NPNT: variants seen among roughly 807,000 people sequenced by gnomAD.
NPNT encodes preosteoblast EGF-like repeat protein with MAM domain.
NPNT carries 45 observed loss-of-function variants against 68.6 expected under a neutral mutation model. The ratio of observed to expected loss-of-function variants is 0.66; its 90% CI spans 0.52 to 0.84. NPNT has a LOEUF of 0.84. NPNT is among the 40% of genes least tolerant of loss of function. NPNT has a pLI of 0.00. For synonymous variants in NPNT, 233 were observed against 253.3 expected (o/e 0.92, Z 0.76); for missense variants, 672 against 714.8 (o/e 0.94, Z 0.68).
intron 2 of NPNT, among the ~76,000 whole-genome samples, chr4:105,913,950 C>T (rs953292074): frequency 1.3e-5 from 2 of 151,984 alleles, no homozygotes; most frequent in South Asian, 2.1e-4. Flanking sequence ...GTAATTTATC[C>T]GTATAATTAT....
chr4:105,934,767 T>A (rs568033639), intron 3 of NPNT, among the ~76,000 whole-genome samples: 23 of 152,192 alleles, frequency 1.5e-4, no homozygotes, highest in African/African-American at 5.3e-4. Context: ...CAGTCCAGAT[T>A]TTTTTTTGGA....
At chr4:105,925,558 A>C (rs1441931507) in intron 2 of NPNT, among the ~76,000 whole-genome samples, 1 of 152,180 alleles carries the variant, frequency 6.6e-6, no homozygotes, top group Admixed American at 6.5e-5. Context: ...GATAATTATC[A>C]GAGAGGAAAC....
chr4:105,948,389 C>G (rs1387566778), intron 8 of NPNT, among the ~76,000 whole-genome samples: 1 of 152,118 alleles, frequency 6.6e-6, no homozygotes, highest in Non-Finnish European at 1.5e-5. Flanking sequence ...TTATGAGGTA[C>G]ATCACTTTGG....
chr4:105,967,613 T>G (rs1197305599), intron 11 of NPNT, among the ~76,000 whole-genome samples, 169 bp downstream of exon 11: 2 of 152,154 alleles, frequency 1.3e-5, no homozygotes, highest in Non-Finnish European at 2.9e-5. Flanking sequence ...GAAACCACTT[T>G]CTGCTTCTTC....
intron 2 of NPNT, among the ~76,000 whole-genome samples, chr4:105,914,495 TGG>T: frequency 2.9e-5 from 4 of 137,918 alleles, no homozygotes; most frequent in African/African-American, 1.1e-4. Flanking sequence ...AGAGAGATAA[TGG>T]AGAGAGAGAG....
chr4:105,957,126 G>T (rs1229167642), intron 8 of NPNT, among the ~76,000 whole-genome samples: 2 of 152,144 alleles, frequency 1.3e-5, no homozygotes, highest in Non-Finnish European at 2.9e-5. Context: ...AAAGAGAAGG[G>T]AGTATTCCTT....
At chr4:105,947,638 AC>A (rs1369389658) in intron 8 of NPNT, among the ~76,000 whole-genome samples, 5 of 152,286 alleles carry the variant, frequency 3.3e-5, no homozygotes, top group African/African-American at 1.2e-4. Context: ...TACTCCATGT[AC>A]TCAAAGACAC....
At chr4:105,912,250 A>G (rs1359137169) in intron 2 of NPNT, 2 of 1,521,396 alleles carry the variant, frequency 1.3e-6, no homozygotes, top group South Asian at 1.2e-5. Context: ...TTAGATGAAC[A>G]TATTTCTTGA....
At chr4:105,897,485 A>AT (rs1336454211) in intron 1 of NPNT, among the ~76,000 whole-genome samples, 1 of 152,140 alleles carries the variant, frequency 6.6e-6, no homozygotes, top group Non-Finnish European at 1.5e-5. Flanking sequence ...TGTCTTACTT[A>AT]ATACTTTTCA....
At chr4:105,928,025 TC>T (rs1728820793) in intron 3 of NPNT, among the ~76,000 whole-genome samples, 1 of 152,206 alleles carries the variant, frequency 6.6e-6, no homozygotes, top group Non-Finnish European at 1.5e-5. Context: ...TCCATTTTTA[TC>T]TTTACAACAA....
At position 105,942,670 on chromosome 4, in the gene NPNT, C is replaced by G; in HGVS notation, c.1127C>G (p.Thr376Arg). 6.2e-7 allele frequency: 1 copy of G among 1,612,762 alleles called. No homozygotes were observed. The change falls in exon 8 of 12, where the codon ACA (threonine) becomes AGA (arginine). Residue 376 changes from threonine (T) to arginine (R), a missense_variant. Physicochemically the swap from Thr to Arg is moderately conservative, Grantham distance 71. Coordinates refer to ENST00000379987, the MANE Select transcript of NPNT (RefSeq NM_001033047.3). ...ATTACAGTTGACAACAGGGTACAGA[C>G]AGACCCTCAGAAACCCAGAGGAGAT... ...GGITVDNRVQ[T>R]DPQKPRGDVF...
intron 8 of NPNT, among the ~76,000 whole-genome samples, chr4:105,946,024 G>A (rs1278196560): frequency 2.0e-5 from 3 of 152,172 alleles, no homozygotes; most frequent in Non-Finnish European, 4.4e-5. Flanking sequence ...TGGCAAATGT[G>A]AGCAAAACCA....
intron 10 of NPNT, among the ~76,000 whole-genome samples, chr4:105,963,001 G>C (rs1419045228): frequency 2.0e-5 from 3 of 152,016 alleles, no homozygotes; most frequent in Non-Finnish European, 4.4e-5. Context: ...GAGGTGGGTG[G>C]ATCACCTGAG....
At chr4:105,923,430 A>G (rs1728414641) in intron 2 of NPNT, among the ~76,000 whole-genome samples, 1 of 152,178 alleles carries the variant, frequency 6.6e-6, no homozygotes, top group Non-Finnish European at 1.5e-5. Flanking sequence ...TTTGTATCAA[A>G]AGGAAACCTT....
chr4:105,920,445 C>T, intron 2 of NPNT, among the ~76,000 whole-genome samples: 1 of 117,786 alleles, frequency 8.5e-6, no homozygotes, highest in Admixed American at 8.5e-5. Flanking sequence ...TAAATAGTAA[C>T]ACTTTTTAAT....
At chr4:105,901,182 A>G (rs960411549) in intron 2 of NPNT, among the ~76,000 whole-genome samples, 9 of 152,162 alleles carry the variant, frequency 5.9e-5, no homozygotes, top group Non-Finnish European at 1.3e-4. Context: ...TCAGGGTTGC[A>G]TATTTCATCT....
chr4:105,916,588 A>G (rs950380884), intron 2 of NPNT, among the ~76,000 whole-genome samples: 3 of 152,192 alleles, frequency 2.0e-5, no homozygotes, highest in African/African-American at 7.2e-5. Context: ...GCCCTGCCTC[A>G]AGTCCTAGCC....
At chr4:105,896,153 C>T (rs1725824499) in intron 1 of NPNT, among the ~76,000 whole-genome samples, 1 of 152,168 alleles carries the variant, frequency 6.6e-6, no homozygotes, top group Non-Finnish European at 1.5e-5. Context: ...GGCCCGGGCT[C>T]TGCTCAGGGC....
chr4:105,923,141 A>G (rs1728387154), intron 2 of NPNT, among the ~76,000 whole-genome samples: 2 of 152,298 alleles, frequency 1.3e-5, no homozygotes, highest in South Asian at 4.1e-4. Flanking sequence ...TACTATTCAC[A>G]GAGTAATGCA....
Sources: gnomAD v4.1 joint callset for allele counts (sites outside exome capture counted in the v4.1 genomes callset) on GRCh38, gnomAD v4.1.1 for gene constraint, MANE v1.5 for transcripts, NCBI Gene and HGNC (gene_info 2026-07-23, HGNC 2026-07-21) for gene names.